Variants in MTA3 observed in about 807,000 individuals in gnomAD.
MTA3 encodes the protein metastasis associated 1 family member 3.
MTA3 carries 34 observed loss-of-function variants against 83.5 expected under a neutral mutation model. That is an observed-to-expected ratio of 0.41 (90% CI 0.31 to 0.54). The LOEUF is 0.54. Ranked by LOEUF, MTA3 falls within the 20% of genes least tolerant of loss-of-function variation. MTA3 has a pLI of 0.33. For synonymous variants in MTA3, 303 were observed against 252.7 expected (o/e 1.20, Z -1.89); for missense variants, 761 against 726.4 (o/e 1.05, Z -0.55).
intron 16 of MTA3, among the ~76,000 whole-genome samples, chr2:42,745,237 G>T (rs1669323988): frequency 6.6e-6 from 1 of 152,214 alleles, no homozygotes; most frequent in African/African-American, 2.4e-5. Flanking sequence ...AGTTAACTTT[G>T]TTAGATGGAG....
In MTA3 at chr2:42,524,472, G is replaced by GTTTTTT. The variant is rs58288129; in HGVS notation, c.-141+29237_-141+29242dup. ...CCCGCCACCACGCCTGGCTAGTTGT[G>GTTTTTT]TTTTTTTTTTTTTTTTTTTTTTTTG... On this transcript the variant is annotated intron_variant, in intron 2 of 17. Coordinates refer to the MTA3 transcript ENST00000405592. 3.1e-4 allele frequency among the ~76,000 whole-genome samples: 22 copies of GTTTTTT among 70,670 alleles called. 1 individual carries two copies. The highest frequency in any genetic ancestry group is 5.7e-4 in the African/African-American group (10 of 17,528). 46.4% of individuals were successfully genotyped at this position (70,670 alleles called of 152,430 possible). A position where few individuals can be genotyped will look rare whatever the true frequency, so the allele number is the denominator to read the frequency against.
intron 4 of MTA3, among the ~76,000 whole-genome samples, chr2:42,628,151 G>A (rs1412253596): frequency 6.6e-6 from 1 of 151,922 alleles, no homozygotes; most frequent in Non-Finnish European, 1.5e-5. Flanking sequence ...CAAAGTGTTG[G>A]GATTACATGC....
At chr2:42,561,890 G>T (rs1174156255) in intron 2 of MTA3, among the ~76,000 whole-genome samples, 3 of 152,164 alleles carry the variant, frequency 2.0e-5, no homozygotes, top group African/African-American at 7.2e-5. Context: ...ACCATCTGTA[G>T]GAGTTTCCTA....
chr2:42,594,232 T>C (rs985185444), intron 3 of MTA3, among the ~76,000 whole-genome samples: 28 of 136,976 alleles, frequency 2.0e-4, no homozygotes, highest in African/African-American at 6.9e-4. Context: ...GAGGGAGCCA[T>C]GCGCCAGGCC....
chr2:42,749,855 C>T (rs1210147014), intron 16 of MTA3, among the ~76,000 whole-genome samples: 2 of 152,168 alleles, frequency 1.3e-5, no homozygotes, highest in Non-Finnish European at 2.9e-5. Context: ...CGATAGGAAG[C>T]AGAGCTCCTC....
chr2:42,653,609 T>G (rs968483739), intron 6 of MTA3, among the ~76,000 whole-genome samples: 1 of 152,230 alleles, frequency 6.6e-6, no homozygotes, highest in African/African-American at 2.4e-5. Flanking sequence ...TTGCTATTTT[T>G]CTTCTCAGCC....
intron 2 of MTA3, among the ~76,000 whole-genome samples, chr2:42,562,368 T>C (rs1366224449): frequency 6.6e-6 from 1 of 152,152 alleles, no homozygotes; most frequent in African/African-American, 2.4e-5. Flanking sequence ...AGATTTGCTT[T>C]TTCAGGCTGT....
At chr2:42,722,772 A>C (rs1051910345) in intron 15 of MTA3, 117 bp from the exon 16 acceptor site, 1 of 1,214,152 alleles carries the variant, frequency 8.2e-7, no homozygotes, top group South Asian at 1.5e-5. Context: ...TGGCTGGCTC[A>C]GGAGGAACTG....
intron 16 of MTA3, among the ~76,000 whole-genome samples, chr2:42,740,315 A>G (rs1411050969): frequency 6.6e-6 from 1 of 152,260 alleles, no homozygotes; most frequent in Non-Finnish European, 1.5e-5. Flanking sequence ...GTTCAAGACC[A>G]GCCGGGACAA....
At chr2:42,597,285 A>G (rs1273832185) in intron 3 of MTA3, among the ~76,000 whole-genome samples, 11 of 151,182 alleles carry the variant, frequency 7.3e-5, no homozygotes, top group Non-Finnish European at 1.5e-4. Context: ...GGCTGGTCTC[A>G]AAGTACTGGT....
At chr2:42,677,692 C>T (rs1193607989) in intron 8 of MTA3, among the ~76,000 whole-genome samples, 4 of 152,060 alleles carry the variant, frequency 2.6e-5, no homozygotes, top group African/African-American at 9.7e-5. Context: ...TTGCTTTTTG[C>T]CTGCTGCCAT....
At chr2:42,586,144 G>A (rs941472082) in intron 3 of MTA3, among the ~76,000 whole-genome samples, 5 of 151,928 alleles carry the variant, frequency 3.3e-5, no homozygotes, top group African/African-American at 1.2e-4. Context: ...GGGCATGGCA[G>A]CACATGCCTG....
chr2:42,675,695 TC>T (rs530758185), intron 8 of MTA3, among the ~76,000 whole-genome samples: 24 of 152,354 alleles, frequency 1.6e-4, no homozygotes, highest in African/African-American at 5.3e-4. Flanking sequence ...ATTTGTGTTA[TC>T]TTACTGATAA....
chr2:42,550,188 T>G (rs1352762252), intron 2 of MTA3, among the ~76,000 whole-genome samples: 1 of 152,104 alleles, frequency 6.6e-6, no homozygotes, highest in Non-Finnish European at 1.5e-5. Flanking sequence ...TATGAAATTG[T>G]TAAGAAGGAA....
intron 6 of MTA3, among the ~76,000 whole-genome samples, chr2:42,649,253 C>G (rs1208246346): frequency 1.3e-5 from 2 of 151,930 alleles, no homozygotes; most frequent in African/African-American, 2.4e-5. Context: ...AAAAATTAGC[C>G]GAGTGTGGTG....
chr2:42,509,527 T>C (rs1481578177), intron 2 of MTA3, among the ~76,000 whole-genome samples: 1 of 152,146 alleles, frequency 6.6e-6, no homozygotes, highest in African/African-American at 2.4e-5. Flanking sequence ...CTCAGCACTT[T>C]GGGAGACCAA....
At chr2:42,668,720 T>C (rs1449532516) in intron 8 of MTA3, among the ~76,000 whole-genome samples, 1 of 152,192 alleles carries the variant, frequency 6.6e-6, no homozygotes, top group African/African-American at 2.4e-5. Context: ...AGTTTAAATA[T>C]GGTCATTAGG....
chr2:42,602,750 G>C (rs1316496816), intron 3 of MTA3, among the ~76,000 whole-genome samples: 1 of 152,138 alleles, frequency 6.6e-6, no homozygotes, highest in South Asian at 2.1e-4. Flanking sequence ...AGGATGTGAA[G>C]GGAAAAGCAG....
intron 9 of MTA3, among the ~76,000 whole-genome samples, chr2:42,682,947 C>A (rs909550153): frequency 6.6e-6 from 1 of 152,122 alleles, no homozygotes; most frequent in African/African-American, 2.4e-5. Flanking sequence ...TGGCACGTGC[C>A]TGTAGCCCGA....
Sources: gnomAD v4.1 joint callset for allele counts (sites outside exome capture counted in the v4.1 genomes callset) on GRCh38, gnomAD v4.1.1 for gene constraint, MANE v1.5 for transcripts, NCBI Gene and HGNC (gene_info 2026-07-23, HGNC 2026-07-21) for gene names.